Variants in CDH12 observed in about 807,000 individuals in gnomAD.
The protein encoded by CDH12 is cadherin-12.
A neutral mutation model predicts 74.1 loss-of-function variants in CDH12; 41 were observed. That is an observed-to-expected ratio of 0.55 (90% CI 0.43 to 0.72). The LOEUF is 0.72. CDH12 is among the 30% of genes least tolerant of loss of function. CDH12 has a pLI of 0.00. For missense variants in CDH12, 945 were observed against 977.2 expected, an observed-to-expected ratio of 0.97 and a Z score of 0.44; for synonymous variants, 399 against 355.0, an observed-to-expected ratio of 1.12 and a Z score of -1.39.
At chr5:22,591,318 C>A (rs1205897085) in intron 1 of CDH12, among the ~76,000 whole-genome samples, 7 of 151,934 alleles carry the variant, frequency 4.6e-5, no homozygotes, top group African/African-American at 7.3e-5. Flanking sequence ...CTAAAATAAG[C>A]CTAGCTATAA....
At chr5:22,699,510 G>A (rs896548266) in intron 1 of CDH12, among the ~76,000 whole-genome samples, 1 of 152,052 alleles carries the variant, frequency 6.6e-6, no homozygotes, top group South Asian at 2.1e-4. Flanking sequence ...AGACAGTAGT[G>A]CCCCCTGGAG....
intron 4 of CDH12, chr5:22,141,362 G>T (rs1283030526): frequency 6.6e-6 from 1 of 152,208 alleles, no homozygotes; most frequent in Non-Finnish European, 1.5e-5. Context: ...TGAGAGAGGT[G>T]AGTGTTTCAG....
intron 1 of CDH12, among the ~76,000 whole-genome samples, chr5:22,792,495 T>G (rs1477196253): frequency 6.6e-6 from 1 of 152,244 alleles, no homozygotes; most frequent in African/African-American, 2.4e-5. Flanking sequence ...TTTTAGTTTT[T>G]GTTGCAGTTT....
chr5:22,760,690 A>AC (rs1746168817), intron 1 of CDH12, among the ~76,000 whole-genome samples: 3 of 151,260 alleles, frequency 2.0e-5, no homozygotes, highest in East Asian at 1.9e-4. Flanking sequence ...AAAAAAAAAA[A>AC]AAAAAAAAAA....
intron 3 of CDH12, among the ~76,000 whole-genome samples, chr5:22,313,064 C>T (rs550965211): frequency 2.0e-5 from 3 of 152,160 alleles, no homozygotes; most frequent in Non-Finnish European, 4.4e-5. Context: ...CCATCCACTA[C>T]TTGCCAGTAG....
At chr5:22,299,110 G>T (rs1461248828) in intron 3 of CDH12, among the ~76,000 whole-genome samples, 1 of 152,118 alleles carries the variant, frequency 6.6e-6, no homozygotes, top group Non-Finnish European at 1.5e-5. Context: ...GTGAGAAACG[G>T]AACCATACCT....
chr5:21,885,529 A>G (rs1468526156), intron 6 of CDH12, among the ~76,000 whole-genome samples: 1 of 152,182 alleles, frequency 6.6e-6, no homozygotes, highest in East Asian at 1.9e-4. Flanking sequence ...GTCAAACACA[A>G]TTTGTAGATA....
chr5:22,153,681 A>C (rs1041919828), intron 4 of CDH12, among the ~76,000 whole-genome samples: 1 of 149,496 alleles, frequency 6.7e-6, no homozygotes, highest in African/African-American at 2.4e-5. Context: ...TGATGTAAAT[A>C]GGAACCTAAT....
Position 22,280,708 on chromosome 5 carries a change from C to A in CDH12, c.-332-68065G>T, listed in dbSNP as rs1461429023. ...AATCTCTGAATAGACCAATAACAGGCTCTGAAATTGAGGCAATAATTAATA... is the reference window on the plus strand; with the variant it reads ...AATCTCTGAATAGACCAATAACAGGATCTGAAATTGAGGCAATAATTAATA... On this transcript the variant is annotated intron_variant, in intron 3 of 14. Coordinates refer to ENST00000382254, the MANE Select transcript of CDH12 (RefSeq NM_004061.5). Among the ~76,000 whole-genome samples, 7 of 152,014 alleles carry A rather than the reference C, an allele frequency of 4.6e-5. No homozygotes were observed. The South Asian group carries it at 8.3e-4, about 18-fold the overall frequency.
At chr5:22,497,452 G>C (rs895531720) in intron 2 of CDH12, among the ~76,000 whole-genome samples, 4 of 151,894 alleles carry the variant, frequency 2.6e-5, no homozygotes, top group Non-Finnish European at 5.9e-5. Context: ...TTATTCTGCT[G>C]TATCTCTGTT....
At chr5:21,847,040 G>A (rs548393003) in intron 7 of CDH12, among the ~76,000 whole-genome samples, 60 of 152,240 alleles carry the variant, frequency 3.9e-4, no homozygotes, top group Non-Finnish European at 7.2e-4. Context: ...CCATAGAGCA[G>A]CCATGATGGT....
At chr5:22,623,179 AAG>A (rs1320148790) in intron 1 of CDH12, among the ~76,000 whole-genome samples, 2 of 152,222 alleles carry the variant, frequency 1.3e-5, no homozygotes, top group African/African-American at 4.8e-5. Context: ...TCAAAACAAT[AAG>A]AGCTATTTAT....
chr5:21,844,846 G>A (rs1750070903), intron 7 of CDH12, among the ~76,000 whole-genome samples: 1 of 152,102 alleles, frequency 6.6e-6, no homozygotes, highest in African/African-American at 2.4e-5. Flanking sequence ...TAGTGATATA[G>A]TGATAGACCT....
At chr5:22,836,531 T>C (rs1736837465) in intron 1 of CDH12, among the ~76,000 whole-genome samples, 1 of 151,974 alleles carries the variant, frequency 6.6e-6, no homozygotes, top group South Asian at 2.1e-4. Context: ...GCCCAGCCAG[T>C]CCTGATGCTT....
chr5:22,037,589 G>C (rs1739279144), intron 5 of CDH12, among the ~76,000 whole-genome samples: 1 of 152,110 alleles, frequency 6.6e-6, no homozygotes, highest in South Asian at 2.1e-4. Context: ...AGATATTAAA[G>C]TTGCACTGTT....
At chr5:21,756,112 T>C (rs1744381982) in intron 13 of CDH12, among the ~76,000 whole-genome samples, 2 of 152,096 alleles carry the variant, frequency 1.3e-5, no homozygotes, top group East Asian at 1.9e-4. Context: ...GTGTGTTAAA[T>C]TGATCAATTT....
At chr5:22,604,766 G>A (rs1007761200) in intron 1 of CDH12, among the ~76,000 whole-genome samples, 48 of 152,168 alleles carry the variant, frequency 3.2e-4, no homozygotes, top group Non-Finnish European at 1.5e-4. Flanking sequence ...CACCCACCTG[G>A]TGACACAGTT....
At chr5:22,300,973 T>C (rs1737856743) in intron 3 of CDH12, among the ~76,000 whole-genome samples, 2 of 152,216 alleles carry the variant, frequency 1.3e-5, no homozygotes, top group African/African-American at 4.8e-5. Context: ...TGGATTAATA[T>C]TTTGCATAAC....
intron 2 of CDH12, among the ~76,000 whole-genome samples, chr5:22,406,585 A>G (rs1742949566): frequency 6.6e-6 from 1 of 152,214 alleles, no homozygotes; most frequent in African/African-American, 2.4e-5. Context: ...AAGAAAAGAT[A>G]TTATTTTCCC....
Sources: gnomAD v4.1 joint callset for allele counts (sites outside exome capture counted in the v4.1 genomes callset) on GRCh38, gnomAD v4.1.1 for gene constraint, MANE v1.5 for transcripts, NCBI Gene and HGNC (gene_info 2026-07-23, HGNC 2026-07-21) for gene names.